LRFN2: variants seen among roughly 807,000 people sequenced by gnomAD.
LRFN2 encodes the protein leucine-rich repeat and fibronectin type-III domain-containing protein 2.
Under a neutral mutation model 37.3 loss-of-function variants are expected in LRFN2, and 18 were observed. That is an observed-to-expected ratio of 0.48 (90% confidence interval 0.33 to 0.72). The LOEUF (loss-of-function observed/expected upper bound fraction) is 0.72, where lower values mean the gene tolerates loss of function less well. LRFN2 is among the 30% of genes least tolerant of loss of function. The pLI, the probability that LRFN2 is intolerant of heterozygous loss-of-function variation, is 0.02. For missense variants in LRFN2, 1,006 were observed against 1,060.7 expected, an observed-to-expected ratio of 0.95 and a Z score of 0.72; for synonymous variants, 556 against 466.6, an observed-to-expected ratio of 1.19 and a Z score of -2.47.
intron 2 of LRFN2, among the ~76,000 whole-genome samples, chr6:40,397,235 C>G (rs1178902425): frequency 6.6e-6 from 1 of 152,172 alleles, no homozygotes; most frequent in Admixed American, 6.5e-5. Flanking sequence ...AGCTGGGGAG[C>G]CTGGATTTCC....
chr6:40,537,771 C>A (rs1319323054), intron 1 of LRFN2, among the ~76,000 whole-genome samples: 1 of 152,100 alleles, frequency 6.6e-6, no homozygotes, highest in Non-Finnish European at 1.5e-5. Context: ...TAAGGGGACT[C>A]CCTCAGTGTT....
At chr6:40,431,659 C>A in intron 2 of LRFN2, 55 bp downstream of exon 2, 2 of 1,459,426 alleles carry the variant, frequency 1.4e-6, no homozygotes, top group South Asian at 2.9e-5. Flanking sequence ...TCCCCATCCC[C>A]TCCTCCTTCC....
chr6:40,503,128 G>A (rs1374140468), intron 1 of LRFN2, among the ~76,000 whole-genome samples: 1 of 152,190 alleles, frequency 6.6e-6, no homozygotes, highest in Non-Finnish European at 1.5e-5. Flanking sequence ...GCCATGCAGG[G>A]CCACGAGGGC....
intron 1 of LRFN2, among the ~76,000 whole-genome samples, chr6:40,456,730 G>A (rs768740440): frequency 1.3e-5 from 2 of 152,188 alleles, no homozygotes; most frequent in Non-Finnish European, 2.9e-5. Flanking sequence ...TAGTTACACA[G>A]TTATTAAAGG....
At chr6:40,393,089 G>A (rs926942340) in intron 2 of LRFN2, among the ~76,000 whole-genome samples, 177 bp from the exon 3 acceptor site, 1 of 150,752 alleles carries the variant, frequency 6.6e-6, no homozygotes, top group Non-Finnish European at 1.5e-5. Context: ...GGACAGAGGA[G>A]TGAAGAGACA....
intron 1 of LRFN2, among the ~76,000 whole-genome samples, chr6:40,452,901 C>T (rs2436744): frequency 0.93 from 142,171 of 152,286 alleles, 67,151 homozygotes; most frequent in Non-Finnish European, 1. Flanking sequence ...CACAAGGAAC[C>T]TTAGAAAGAG....
rs538528097 is a variant in LRFN2 at position 40,481,214 on chromosome 6, T to C, written c.-18-48083A>G. 1.1e-4 allele frequency among the ~76,000 whole-genome samples: 17 copies of C among 152,154 alleles called. No homozygotes were observed. The South Asian group carries it at 3.5e-3, about 32-fold the overall frequency. On this transcript the variant is annotated intron_variant, in intron 1 of 2. Transcript: ENST00000338305. Reference sequence around the variant, plus strand: ...ACTTTGGGAGGTGGAGGCAGGAGGATCACCTGAGGTCAGGAATTTGAGAAC... The same window carrying C: ...ACTTTGGGAGGTGGAGGCAGGAGGACCACCTGAGGTCAGGAATTTGAGAAC...
chr6:40,423,792 T>C (rs938395543), intron 2 of LRFN2, among the ~76,000 whole-genome samples: 2 of 152,144 alleles, frequency 1.3e-5, no homozygotes, highest in Non-Finnish European at 2.9e-5. Context: ...ATCTTTCCTA[T>C]TGCATAAAAG....
chr6:40,569,574 G>A (rs1291153417), intron 1 of LRFN2, among the ~76,000 whole-genome samples: 1 of 152,158 alleles, frequency 6.6e-6, no homozygotes, highest in African/African-American at 2.4e-5. Context: ...CAGGTGTAAT[G>A]CCGCACTGCC....
intron 1 of LRFN2, among the ~76,000 whole-genome samples, chr6:40,535,177 G>T (rs748328540): frequency 2.0e-5 from 3 of 152,172 alleles, no homozygotes; most frequent in Non-Finnish European, 2.9e-5. Context: ...CCTTGTTATG[G>T]GATCATAAAC....
intron 1 of LRFN2, among the ~76,000 whole-genome samples, chr6:40,520,077 G>A (rs1447726844): frequency 6.6e-6 from 1 of 152,120 alleles, no homozygotes; most frequent in Non-Finnish European, 1.5e-5. Flanking sequence ...GGTAGGCAGG[G>A]CCAGGGGAAG....
chr6:40,486,643 T>A (rs1466230575), intron 1 of LRFN2, among the ~76,000 whole-genome samples: 1 of 152,046 alleles, frequency 6.6e-6, no homozygotes, highest in Admixed American at 6.6e-5. Context: ...TCATTTGAAA[T>A]GTTAATAAAT....
chr6:40,563,842 G>A (rs1317579093), intron 1 of LRFN2, among the ~76,000 whole-genome samples: 1 of 152,102 alleles, frequency 6.6e-6, no homozygotes, highest in Non-Finnish European at 1.5e-5. Context: ...CGATTACCAT[G>A]GATACCACCC....
At chr6:40,496,183 C>A (rs999024194) in intron 1 of LRFN2, among the ~76,000 whole-genome samples, 2 of 152,158 alleles carry the variant, frequency 1.3e-5, no homozygotes, top group African/African-American at 2.4e-5. Context: ...TATCCCGAAT[C>A]CAACCCCTTC....
chr6:40,492,194 T>TA (rs1484817952), intron 1 of LRFN2, among the ~76,000 whole-genome samples: 2 of 152,076 alleles, frequency 1.3e-5, no homozygotes, highest in African/African-American at 4.8e-5. Flanking sequence ...GAGGATGACT[T>TA]AAGGTGATGG....
At chr6:40,425,011 A>G (rs534425389) in intron 2 of LRFN2, among the ~76,000 whole-genome samples, 47 of 152,290 alleles carry the variant, frequency 3.1e-4, no homozygotes, top group Admixed American at 8.5e-4. Context: ...TGGGGTGAAA[A>G]CTTGCTGAAT....
At chr6:40,409,441 A>G (rs1368740708) in intron 2 of LRFN2, among the ~76,000 whole-genome samples, 4 of 152,214 alleles carry the variant, frequency 2.6e-5, no homozygotes, top group Admixed American at 1.3e-4. Context: ...GTACTATGAT[A>G]TTTGTTCAGT....
intron 2 of LRFN2, among the ~76,000 whole-genome samples, chr6:40,397,592 G>A (rs1762642519): frequency 6.6e-6 from 1 of 152,184 alleles, no homozygotes; most frequent in African/African-American, 2.4e-5. Flanking sequence ...TACCCACACA[G>A]CCTCTGACGC....
At chr6:40,397,048 C>T (rs969082950) in intron 2 of LRFN2, among the ~76,000 whole-genome samples, 19 of 152,272 alleles carry the variant, frequency 1.2e-4, no homozygotes, top group African/African-American at 4.6e-4. Context: ...ATCCCACAGC[C>T]CACACTTCTT....
Sources: allele counts gnomAD v4.1 joint callset (sites outside exome capture counted in the v4.1 genomes callset), GRCh38; gene constraint gnomAD v4.1.1; transcripts MANE v1.5; gene names NCBI Gene and HGNC (gene_info 2026-07-23, HGNC 2026-07-21).